Variants in SUGP2 observed in about 807,000 individuals in gnomAD.
SUGP2 encodes SURP and G-patch domain-containing protein 2.
In SUGP2, 24 loss-of-function variants were observed where a neutral mutation model predicts 90.5. That is an observed-to-expected ratio of 0.27 (90% confidence interval 0.19 to 0.37). SUGP2 has a LOEUF of 0.37. Ranked by LOEUF, SUGP2 falls within the 10% of genes least tolerant of loss-of-function variation. SUGP2 has a pLI of 1.00. For missense variants in SUGP2, 1,233 were observed against 1,363.3 expected (o/e 0.90, Z 1.51); for synonymous variants, 473 against 513.4 (o/e 0.92, Z 1.06).
intron 8 of SUGP2, among the ~76,000 whole-genome samples, chr19:18,997,532 C>T (rs1409290909): frequency 6.6e-6 from 1 of 152,120 alleles, no homozygotes; most frequent in Non-Finnish European, 1.5e-5. Context: ...CGCCTGTAGT[C>T]CCAGCACTTT....
chr19:19,024,477 A>C, intron 3 of SUGP2, 142 bp downstream of exon 3: 5 of 860,600 alleles, frequency 5.8e-6, no homozygotes, highest in Non-Finnish European at 8.8e-6. Flanking sequence ...GCAGACATAT[A>C]TTGGCCAATG....
At chr19:19,030,413 C>G (rs2059108901) in intron 2 of SUGP2, among the ~76,000 whole-genome samples, 1 of 152,132 alleles carries the variant, frequency 6.6e-6, no homozygotes. Flanking sequence ...TCGCTTGAAC[C>G]CAGGAGGCGG....
chr19:19,007,755 CTTTTTTTTT>C (rs34670209), intron 6 of SUGP2, among the ~76,000 whole-genome samples: 1 of 113,434 alleles, frequency 8.8e-6, no homozygotes, highest in Non-Finnish European at 1.8e-5. Flanking sequence ...TGCACCTAGC[CTTTTTTTTT>C]TTTTTTTTTT....
At chr19:19,026,393 G>A (rs1240711234) in intron 2 of SUGP2, among the ~76,000 whole-genome samples, 167 bp from the exon 3 acceptor site, 2 of 152,294 alleles carry the variant, frequency 1.3e-5, no homozygotes, top group East Asian at 1.9e-4. Flanking sequence ...TTTAAAATGC[G>A]TGTGGTGTCA....
chr19:19,024,123 T>C (rs936019009), intron 3 of SUGP2, among the ~76,000 whole-genome samples: 1 of 152,114 alleles, frequency 6.6e-6, no homozygotes, highest in Non-Finnish European at 1.5e-5. Flanking sequence ...AATTTTTATT[T>C]TTCTGAGACA....
intron 2 of SUGP2, among the ~76,000 whole-genome samples, chr19:19,030,280 G>A (rs192621748): frequency 6.6e-6 from 1 of 151,804 alleles, no homozygotes; most frequent in Admixed American, 6.6e-5. Context: ...ACCTGAGGTC[G>A]GGAGTTCGAG....
chr19:19,031,533 CA>C (rs912857757), intron 1 of SUGP2, among the ~76,000 whole-genome samples: 3,475 of 71,882 alleles, frequency 0.048, 106 homozygotes, highest in African/African-American at 0.13. Context: ...GACTCCGTCT[CA>C]AAAAAAAAAA....
intron 4 of SUGP2, among the ~76,000 whole-genome samples, chr19:19,018,897 A>G (rs980219429): frequency 6.6e-6 from 1 of 152,162 alleles, no homozygotes; most frequent in Non-Finnish European, 1.5e-5. Context: ...CAGGTGAGAG[A>G]AGGCCACCCA....
At chr19:19,031,936 G>GTC (rs924728672) in intron 1 of SUGP2, among the ~76,000 whole-genome samples, 15 of 150,916 alleles carry the variant, frequency 9.9e-5, no homozygotes, top group Non-Finnish European at 5.9e-5. Context: ...TTTTAAGGGG[G>GTC]TCTCTGCCCT....
At chr19:18,994,535 G>C in intron 9 of SUGP2, 49 bp from the exon 10 acceptor site, 1 of 1,603,442 alleles carries the variant, frequency 6.2e-7, no homozygotes, top group East Asian at 2.2e-5. Context: ...CCAGGGCCTG[G>C]CATGCCAGGA....
At chr19:18,996,407 A>G (rs1165783473) in intron 8 of SUGP2, among the ~76,000 whole-genome samples, 1 of 152,058 alleles carries the variant, frequency 6.6e-6, no homozygotes, top group East Asian at 1.9e-4. Flanking sequence ...AAAGAAACAA[A>G]ATACAAAACT....
chr19:19,033,352 G>T, intron 1 of SUGP2, 85 bp downstream of exon 1: 1 of 1,148,838 alleles, frequency 8.7e-7, no homozygotes, highest in Non-Finnish European at 1.1e-6. Flanking sequence ...ACGCCATCAC[G>T]GAGCCCGGGG....
At chr19:19,024,424 A>G (rs1468228539) in intron 3 of SUGP2, among the ~76,000 whole-genome samples, 195 bp downstream of exon 3, 4 of 152,200 alleles carry the variant, frequency 2.6e-5, no homozygotes, top group Admixed American at 2.0e-4. Flanking sequence ...AAAGACTTCT[A>G]TGGTAAACAG....
chr19:18,994,014 T>C (rs964364973), intron 10 of SUGP2: 2 of 181,606 alleles, frequency 1.1e-5, no homozygotes, highest in South Asian at 2.3e-4. Flanking sequence ...GTGGCTGTCA[T>C]CTGTGAGAGA....
chr19:19,023,344 A>G (rs1032682023), intron 3 of SUGP2, among the ~76,000 whole-genome samples: 1 of 152,166 alleles, frequency 6.6e-6, no homozygotes, highest in African/African-American at 2.4e-5. Flanking sequence ...ATTGAGAGAC[A>G]GGGTGATTCT....
At chr19:19,033,318 C>G in intron 1 of SUGP2, 119 bp downstream of exon 1, 1 of 1,071,612 alleles carries the variant, frequency 9.3e-7, no homozygotes, top group Non-Finnish European at 1.1e-6. Context: ...CGGCCGCCGC[C>G]GCAGCCAGAG....
At chr19:19,005,644 T>C (rs762737657) in intron 6 of SUGP2, among the ~76,000 whole-genome samples, 15 of 152,000 alleles carry the variant, frequency 9.9e-5, no homozygotes, top group Non-Finnish European at 1.8e-4. Context: ...TTTCAAAGAA[T>C]GGTATTGGAA....
intron 2 of SUGP2, among the ~76,000 whole-genome samples, chr19:19,030,417 G>C (rs979176996): frequency 5.3e-5 from 8 of 152,196 alleles, no homozygotes; most frequent in Admixed American, 2.6e-4. Context: ...TTGAACCCAG[G>C]AGGCGGAGGT....
intron 4 of SUGP2, among the ~76,000 whole-genome samples, chr19:19,013,985 C>T (rs895832145): frequency 2.0e-5 from 3 of 152,168 alleles, no homozygotes; most frequent in Non-Finnish European, 4.4e-5. Context: ...TCTGTCTATA[C>T]TTCTGATTGA....
Sources: allele counts gnomAD v4.1 joint callset (sites outside exome capture counted in the v4.1 genomes callset), GRCh38; gene constraint gnomAD v4.1.1; transcripts MANE v1.5; gene names NCBI Gene and HGNC (gene_info 2026-07-23, HGNC 2026-07-21).